The following AAK1 variants were observed in gnomAD, a reference collection of about 807,000 sequenced individuals.
The protein encoded by AAK1 is AP2 associated kinase 1.
In AAK1, 37 loss-of-function variants were observed where a neutral mutation model predicts 116.0. The observed-to-expected ratio is 0.32, with a 90% CI of 0.25 to 0.42. The LOEUF is 0.42. Ranked by LOEUF, AAK1 falls within the 10% of genes least tolerant of loss-of-function variation. AAK1 has a pLI of 1.00. For missense variants in AAK1, 919 were observed against 1,170.6 expected (o/e 0.79, Z 3.14); for synonymous variants, 458 against 439.9 (o/e 1.04, Z -0.51).
chr2:69,578,290 T>C (rs1485718212), intron 2 of AAK1, among the ~76,000 whole-genome samples: 1 of 152,210 alleles, frequency 6.6e-6, no homozygotes, highest in African/African-American at 2.4e-5. Flanking sequence ...TGCTGAATAG[T>C]AAGAGATGCT....
At chr2:69,477,990 T>C (rs903600721) in intron 20 of AAK1, among the ~76,000 whole-genome samples, 8 of 152,242 alleles carry the variant, frequency 5.3e-5, no homozygotes, top group Non-Finnish European at 5.9e-5. Flanking sequence ...AAACTGCTCA[T>C]TGAATAGAAT....
intron 2 of AAK1, chr2:69,595,095 A>G (rs747414065): frequency 1.0e-4 from 68 of 650,674 alleles, no homozygotes; most frequent in Admixed American, 9.7e-5. Context: ...AAAAGCTAGG[A>G]TTTTGTTTCT....
intron 2 of AAK1, chr2:69,598,210 A>C: frequency 1.5e-6 from 1 of 675,156 alleles, no homozygotes; most frequent in East Asian, 3.2e-5. Context: ...TCGATATTTG[A>C]AATTTAGTAA....
chr2:69,473,251 G>T lies in AAK1; in HGVS notation c.*2618C>A. ...CCCGACCCTGTTCAATCCAGCTCAG[G>T]TCCCACACCTGTAAAATGAAGAGGA... On this transcript the variant is annotated 3_prime_UTR_variant, in exon 22 of 22. Transcript: ENST00000409085. 4.2e-6 allele frequency: 4 copies of T among 952,076 alleles called. No homozygotes were observed. Among genetic ancestry groups the T allele is most frequent in the Non-Finnish European group, 5.0e-6 (4 of 799,490 alleles). The allele number at this position is 952,076 out of a possible 1,614,324, so 59.0% of individuals were successfully genotyped here. A position where few individuals can be genotyped will look rare whatever the true frequency, so the allele number is the denominator to read the frequency against.
rs1255344149 is a variant in AAK1 at position 69,467,462 on chromosome 2, T to C, written c.*8407A>G. 16 of 985,190 alleles carry C rather than the reference T, an allele frequency of 1.6e-5. No homozygotes were observed. Among genetic ancestry groups the C allele is most frequent in the Non-Finnish European group, 1.8e-5 (15 of 829,924 alleles). 61.0% of individuals were successfully genotyped at this position (985,190 alleles called of 1,614,324 possible). ...TTAGAAGTATGTCATTGGGCACATG[T>C]TAGCAAGAGGGCAGGAAAAAGGCAT... On this transcript the variant is annotated 3_prime_UTR_variant, in exon 22 of 22. Transcript: ENST00000409085.
intron 2 of AAK1, among the ~76,000 whole-genome samples, chr2:69,641,014 G>A (rs981772110): frequency 6.6e-6 from 1 of 152,222 alleles, no homozygotes; most frequent in African/African-American, 2.4e-5. Context: ...AATAAATGCA[G>A]AGCTACAAGT....
At chr2:69,561,659 G>T (rs188934752) in intron 2 of AAK1, among the ~76,000 whole-genome samples, 1 of 151,980 alleles carries the variant, frequency 6.6e-6, no homozygotes, top group South Asian at 2.1e-4. Flanking sequence ...ATGAGTTTTC[G>T]CAACTGTATA....
At chr2:69,517,736 GA>G (rs1676642128) in intron 12 of AAK1, among the ~76,000 whole-genome samples, 2 of 131,172 alleles carry the variant, frequency 1.5e-5, no homozygotes, top group South Asian at 4.7e-4. Context: ...AATTCCAAGG[GA>G]CAAATAATCC....
chr2:69,611,692 T>C (rs1189754022), intron 2 of AAK1, among the ~76,000 whole-genome samples: 1 of 152,166 alleles, frequency 6.6e-6, no homozygotes, highest in African/African-American at 2.4e-5. Context: ...GAGATACGTA[T>C]ACCCATGTTC....
In AAK1 at chr2:69,509,443, T is replaced by A; in HGVS notation, c.1794A>T (p.Arg598Ser). The part of the protein sequence containing the change: ...AQEPAIQAPV[R>S]QQPKVQTTPP... ...GGGTTGTCTGAACCTTTGGCTGTTG[T>A]CTTACTGGGGCTTGAATCTGCTAGG... The change falls in exon 14 of 22, where the codon AGA becomes AGT. Residue 598 changes from arginine (R) to serine (S), a missense_variant. Around this residue, in one of 4 missense-constraint regions of AAK1, gnomAD observed 125 missense variants for 184.1 expected, o/e 0.68. Transcript: ENST00000409085. 1 of 1,613,746 alleles carries A rather than the reference T, an allele frequency of 6.2e-7. No homozygotes were observed. The highest frequency in any genetic ancestry group is 8.5e-7 in the Non-Finnish European group (1 of 1,179,762).
In AAK1 at chr2:69,548,457, CTTCT is replaced by C. The variant is rs1449217246; in HGVS notation, c.283-3917_283-3914del. On this transcript the variant is annotated intron_variant, in intron 3 of 21. Transcript: ENST00000409085. Reference sequence around the variant, plus strand: ...GTTTTCTTTGTTTTTTCTATCTTTCCTTCTTTTTCTTTCTTTTTTCCTTTCTTTT... The same window carrying C: ...GTTTTCTTTGTTTTTTCTATCTTTCCTTTTCTTTCTTTTTTCCTTTCTTTT... Among the ~76,000 whole-genome samples, 4 of 151,546 alleles carry C rather than the reference CTTCT, an allele frequency of 2.6e-5. No individual in the cohort carries two copies. The South Asian group carries it at 6.2e-4, about 24-fold the overall frequency.
intron 2 of AAK1, among the ~76,000 whole-genome samples, chr2:69,616,711 T>TG (rs1160621618): frequency 2.6e-5 from 4 of 152,280 alleles, no homozygotes; most frequent in South Asian, 2.1e-4. Flanking sequence ...AAGTGTCTCC[T>TG]GGGGGGCAAA....
intron 2 of AAK1, among the ~76,000 whole-genome samples, chr2:69,558,953 G>C (rs1671511889): frequency 6.6e-6 from 1 of 152,042 alleles, no homozygotes; most frequent in African/African-American, 2.4e-5. Flanking sequence ...GTAGGTTTTT[G>C]TTCCTTGCAA....
At chr2:69,551,349 C>T (rs1671176171) in intron 3 of AAK1, among the ~76,000 whole-genome samples, 1 of 152,112 alleles carries the variant, frequency 6.6e-6, no homozygotes, top group South Asian at 2.1e-4. Context: ...CACACATTTA[C>T]CTATGTAACA....
intron 2 of AAK1, among the ~76,000 whole-genome samples, chr2:69,560,031 T>G (rs1671566451): frequency 1.3e-5 from 2 of 152,318 alleles, no homozygotes; most frequent in South Asian, 4.1e-4. Flanking sequence ...ATGATAAATC[T>G]AAAAGCAAAT....
At chr2:69,547,658 T>C (rs1043172899) in intron 3 of AAK1, among the ~76,000 whole-genome samples, 7 of 152,082 alleles carry the variant, frequency 4.6e-5, no homozygotes, top group African/African-American at 1.7e-4. Flanking sequence ...ATATTACTAG[T>C]AGAAATATAA....
intron 9 of AAK1, among the ~76,000 whole-genome samples, chr2:69,526,761 C>T (rs957795974): frequency 2.6e-5 from 4 of 152,162 alleles, no homozygotes; most frequent in African/African-American, 9.7e-5. Context: ...TTATAAATGG[C>T]CAACAGCAGA....
intron 2 of AAK1, among the ~76,000 whole-genome samples, chr2:69,640,085 C>A (rs990693152): frequency 6.9e-6 from 1 of 145,296 alleles, no homozygotes; most frequent in African/African-American, 2.7e-5. Context: ...TCTCTCCCCC[C>A]CCACATATAT....
chr2:69,578,801 C>T (rs746649934), intron 2 of AAK1, among the ~76,000 whole-genome samples: 12 of 151,428 alleles, frequency 7.9e-5, no homozygotes, highest in Non-Finnish European at 1.5e-4. Context: ...AATCTCTTCA[C>T]CTCTTTTTTT....
Sources: gnomAD v4.1 joint callset for allele counts (sites outside exome capture counted in the v4.1 genomes callset) on GRCh38, gnomAD v4.1.1 for gene constraint, gnomAD v4.1.1 regional missense constraint, MANE v1.5 for transcripts, NCBI Gene and HGNC (gene_info 2026-07-23, HGNC 2026-07-21) for gene names.